The following TMEFF1 variants were observed in gnomAD, a reference collection of about 807,000 sequenced individuals.
TMEFF1 encodes the protein tomoregulin-1.
Under a neutral mutation model 47.5 loss-of-function variants are expected in TMEFF1, and 20 were observed. The ratio of observed to expected loss-of-function variants is 0.42; its 90% confidence interval spans 0.30 to 0.61. The LOEUF (loss-of-function observed/expected upper bound fraction) is 0.61. Among genes scored for constraint, TMEFF1 ranks in the 20% least tolerant of loss-of-function variants. The pLI is 0.19. For synonymous variants in TMEFF1, 162 were observed against 166.3 expected (o/e 0.97, Z 0.20); for missense variants, 411 against 471.1 (o/e 0.87, Z 1.18).
chr9:100,548,532 A>G (rs1257505959), intron 6 of TMEFF1, among the ~76,000 whole-genome samples: 1 of 152,194 alleles, frequency 6.6e-6, no homozygotes. Context: ...TTCTTTCCCC[A>G]GTAATATTCA....
Position 100,577,152 on chromosome 9 carries a change from T to C in TMEFF1, c.*552T>C, listed in dbSNP as rs1839365982. The C allele has an allele frequency of 6.6e-6, 1 of 152,624 alleles. No homozygotes were observed. Among genetic ancestry groups the C allele is most frequent in the Admixed American group, 6.5e-5 (1 of 15,274 alleles). The allele number at this position is 152,624 out of a possible 1,614,324, so 9.5% of individuals were successfully genotyped here. On this transcript the variant is annotated 3_prime_UTR_variant, in exon 10 of 10. Coordinates refer to ENST00000374879, the MANE Select transcript of TMEFF1 (RefSeq NM_003692.5). ...TGGGGAATTTGATTATTCCTCCCTTTGAAAAAATAGTCCTAATAATTTGAA... is the reference window on the plus strand; with the variant it reads ...TGGGGAATTTGATTATTCCTCCCTTCGAAAAAATAGTCCTAATAATTTGAA...
chr9:100,535,592 C>T (rs1838487571), intron 5 of TMEFF1, among the ~76,000 whole-genome samples: 1 of 152,162 alleles, frequency 6.6e-6, no homozygotes, highest in Non-Finnish European at 1.5e-5. Flanking sequence ...CCAACATGGC[C>T]AAACCCTGCC....
At chr9:100,497,231 G>A (rs75640675) in intron 1 of TMEFF1, among the ~76,000 whole-genome samples, 2,999 of 151,650 alleles carry the variant, frequency 0.02, 97 homozygotes, top group African/African-American at 0.069. Flanking sequence ...ATGAAAAGAT[G>A]GCCTTCTCTA....
chr9:100,480,903 A>T (rs1837327218), intron 1 of TMEFF1, among the ~76,000 whole-genome samples: 1 of 152,204 alleles, frequency 6.6e-6, no homozygotes, highest in Non-Finnish European at 1.5e-5. Context: ...ATGTGGTGTC[A>T]TGGGAATGTG....
intron 5 of TMEFF1, among the ~76,000 whole-genome samples, chr9:100,547,065 G>A (rs1432171791): frequency 1.3e-5 from 2 of 152,180 alleles, no homozygotes; most frequent in African/African-American, 4.8e-5. Context: ...CCCCAGGCTG[G>A]AGTACAGTGG....
chr9:100,557,108 A>C (rs1838928995), intron 7 of TMEFF1, among the ~76,000 whole-genome samples: 1 of 150,874 alleles, frequency 6.6e-6, no homozygotes, highest in Non-Finnish European at 1.5e-5. Flanking sequence ...GTATCCAATT[A>C]ATTATTTTAA....
intron 7 of TMEFF1, among the ~76,000 whole-genome samples, chr9:100,554,319 C>CA (rs760517622): frequency 6.3e-4 from 96 of 152,196 alleles, no homozygotes; most frequent in Non-Finnish European, 1.3e-3. Flanking sequence ...TGAAGGAAAT[C>CA]AGAGAATGTC....
chr9:100,528,388 G>T (rs1293324299), intron 5 of TMEFF1, among the ~76,000 whole-genome samples: 1 of 146,176 alleles, frequency 6.8e-6, no homozygotes, highest in East Asian at 2.0e-4. Flanking sequence ...ATACAGAGAA[G>T]TGCTTAAAGG....
At position 100,513,578 on chromosome 9, in the gene TMEFF1, C is replaced by G. The variant is rs1838007315; in HGVS notation, c.463+245C>G. On this transcript the variant is annotated intron_variant, in intron 4 of 9. Transcript: ENST00000374879. The stretch of plus-strand genomic sequence containing the variant: ...CATTTTAATAACCTCAAAAAGAAAC[C>G]ATGCACTCCTTAGCCATCACTCCTA... Among the ~76,000 whole-genome samples, 3 of 152,016 alleles carry G rather than the reference C, an allele frequency of 2.0e-5. No homozygotes were observed. The South Asian group carries it at 6.2e-4, about 32-fold the overall frequency.
chr9:100,543,536 G>T (rs1407464544), intron 5 of TMEFF1, among the ~76,000 whole-genome samples: 1 of 151,844 alleles, frequency 6.6e-6, no homozygotes, highest in Non-Finnish European at 1.5e-5. Context: ...AATCATTTAG[G>T]TCTAGGATGA....
intron 5 of TMEFF1, among the ~76,000 whole-genome samples, chr9:100,546,432 C>CT (rs1838733422): frequency 6.6e-6 from 1 of 150,958 alleles, no homozygotes; most frequent in South Asian, 2.1e-4. Flanking sequence ...AATTCAATCC[C>CT]CCCCCCACCA....
At chr9:100,503,914 A>G (rs1837811643) in intron 2 of TMEFF1, among the ~76,000 whole-genome samples, 1 of 152,168 alleles carries the variant, frequency 6.6e-6, no homozygotes, top group African/African-American at 2.4e-5. Flanking sequence ...TCTGGGCACC[A>G]TGGGGCCCAG....
chr9:100,490,049 G>A (rs1432926387), intron 1 of TMEFF1, among the ~76,000 whole-genome samples: 4 of 152,110 alleles, frequency 2.6e-5, no homozygotes, highest in African/African-American at 9.7e-5. Context: ...GATTGCAGGA[G>A]TGGGGGTGGA....
intron 6 of TMEFF1, 107 bp from the exon 7 acceptor site, chr9:100,549,988 G>A: frequency 7.6e-7 from 1 of 1,310,280 alleles, no homozygotes; most frequent in Non-Finnish European, 1.0e-6. Flanking sequence ...GCAGGATAAG[G>A]GGGCAGAGGT....
At chr9:100,551,732 G>A in intron 7 of TMEFF1, among the ~76,000 whole-genome samples, 1 of 152,280 alleles carries the variant, frequency 6.6e-6, no homozygotes, top group Non-Finnish European at 1.5e-5. Context: ...TCATTTTACT[G>A]TTTGTAGTTA....
intron 4 of TMEFF1, 28 bp from the exon 5 acceptor site, chr9:100,516,647 T>A: frequency 6.2e-7 from 1 of 1,603,538 alleles, no homozygotes; most frequent in South Asian, 1.1e-5. Flanking sequence ...AACTTTTGGT[T>A]GTAAATTTGA....
chr9:100,567,795 A>G (rs1263917547), intron 8 of TMEFF1, among the ~76,000 whole-genome samples: 1 of 152,202 alleles, frequency 6.6e-6, no homozygotes, highest in East Asian at 1.9e-4. Context: ...TTCACTGCTA[A>G]TAAAGACATA....
rs1353303643 is a variant in TMEFF1 at position 100,531,774 on chromosome 9, T to G, written c.560+15003T>G. Among the ~76,000 whole-genome samples the G allele has an allele frequency of 2.6e-5, 4 of 152,304 alleles. No homozygotes were observed. The South Asian group carries it at 8.3e-4, about 32-fold the overall frequency. Reference sequence around the variant, plus strand: ...TATGGAACCGAAAAAGAGCCCGCATTGCCAAGTCAATCCTAAGCCAAAAGA... The same window carrying G: ...TATGGAACCGAAAAAGAGCCCGCATGGCCAAGTCAATCCTAAGCCAAAAGA... On this transcript the variant is annotated intron_variant, in intron 5 of 9. Coordinates refer to ENST00000374879, the MANE Select transcript of TMEFF1 (RefSeq NM_003692.5).
chr9:100,567,370 C>A (rs1250932581), intron 8 of TMEFF1, among the ~76,000 whole-genome samples: 1 of 152,212 alleles, frequency 6.6e-6, no homozygotes, highest in Non-Finnish European at 1.5e-5. Context: ...ACCCTCCCTT[C>A]CTGCAACTTT....
Sources: allele counts gnomAD v4.1 joint callset (sites outside exome capture counted in the v4.1 genomes callset), GRCh38; gene constraint gnomAD v4.1.1; transcripts MANE v1.5; gene names NCBI Gene and HGNC (gene_info 2026-07-23, HGNC 2026-07-21).